The following STAG2 variants were observed in gnomAD, a reference collection of about 807,000 sequenced individuals.
The protein encoded by STAG2 is STAG2 cohesin complex component, also known as cohesin subunit SA-2.
STAG2 carries 14 observed loss-of-function variants against 108.1 expected under a neutral mutation model. The ratio of observed to expected loss-of-function variants is 0.13; its 90% CI spans 0.09 to 0.20. The LOEUF (loss-of-function observed/expected upper bound fraction) is 0.20. STAG2 is among the 10% of genes least tolerant of loss of function. STAG2 has a pLI of 1.00. For synonymous variants in STAG2, 307 were observed against 302.7 expected (o/e 1.01, Z -0.15); for missense variants, 440 against 940.9 (o/e 0.47, Z 6.96).
At chrX:123,985,419 TG>T (rs1383099711) in intron 1 of STAG2, among the ~76,000 whole-genome samples, 1 of 110,609 alleles carries the variant, frequency 9.0e-6, no homozygotes, top group East Asian at 2.8e-4. Flanking sequence ...TTTGTAGAGA[TG>T]GCGTCTTACT....
intron 15 of STAG2, 119 bp downstream of exon 15, chrX:124,058,096 G>A (rs2058262298): frequency 3.4e-6 from 1 of 290,072 alleles, no homozygotes; most frequent in South Asian, 1.7e-4. Context: ...AGAATGGAGA[G>A]CCACCCACTC....
intron 23 of STAG2, among the ~76,000 whole-genome samples, 170 bp from the exon 24 acceptor site, chrX:124,068,394 C>T (rs772412456): frequency 3.6e-5 from 4 of 111,439 alleles, no homozygotes; most frequent in South Asian, 3.7e-4. Context: ...TAAGACAAAC[C>T]GTCTCTTTGT....
intron 9 of STAG2, among the ~76,000 whole-genome samples, chrX:124,047,762 A>C (rs745445965): frequency 8.9e-6 from 1 of 112,195 alleles, no homozygotes; most frequent in African/African-American, 3.2e-5. Flanking sequence ...AGTTGTCTTA[A>C]GCTTTAGTAT....
At chrX:124,092,418 G>A (rs1303030021) in intron 32 of STAG2, among the ~76,000 whole-genome samples, 4 of 111,239 alleles carry the variant, frequency 3.6e-5, no homozygotes, top group African/African-American at 1.3e-4. Context: ...AGTAGTCGCC[G>A]GTCCATATAT....
chrX:124,018,482 ATG>A (rs2056809280), intron 1 of STAG2, among the ~76,000 whole-genome samples: 1 of 110,324 alleles, frequency 9.1e-6, no homozygotes, highest in South Asian at 3.9e-4. Context: ...GGATGGATGG[ATG>A]GACAGACGGA....
intron 27 of STAG2, among the ~76,000 whole-genome samples, chrX:124,081,067 G>T (rs2058947274): frequency 1.0e-5 from 1 of 95,520 alleles, no homozygotes; most frequent in African/African-American, 3.6e-5. Flanking sequence ...AACAGAGCAT[G>T]GTTGCCTAAT....
intron 34 of STAG2, among the ~76,000 whole-genome samples, chrX:124,098,445 G>A (rs903859477): frequency 9.0e-6 from 1 of 111,000 alleles, no homozygotes; most frequent in African/African-American, 3.3e-5. Context: ...CATAACTTAA[G>A]AAATGGAATA....
chrX:123,964,319 A>G (rs777380942), intron 1 of STAG2, among the ~76,000 whole-genome samples: 1 of 111,532 alleles, frequency 9.0e-6, no homozygotes, highest in African/African-American at 3.2e-5. Flanking sequence ...AAATTGGTTG[A>G]ACTTTAAATG....
At chrX:124,059,842 T>C (rs1321627743) in intron 15 of STAG2, among the ~76,000 whole-genome samples, 3 of 109,695 alleles carry the variant, frequency 2.7e-5, no homozygotes, top group Non-Finnish European at 3.8e-5. Context: ...TTTTAGAATT[T>C]TGTAGACAGT....
intron 1 of STAG2, among the ~76,000 whole-genome samples, chrX:123,994,354 C>G (rs986602387): frequency 1.3e-4 from 15 of 111,559 alleles, no homozygotes; most frequent in African/African-American, 4.9e-4. Context: ...CCAAACACCT[C>G]TCAGTAGGCT....
chrX:124,062,237 T>C (rs1039633386), intron 17 of STAG2, among the ~76,000 whole-genome samples: 1 of 112,047 alleles, frequency 8.9e-6, no homozygotes, highest in Admixed American at 9.5e-5. Flanking sequence ...TAGGGAAATT[T>C]CTATTTCCTG....
chrX:124,051,097 A>ATT, intron 11 of STAG2, 24 bp from the exon 12 acceptor site: 4 of 734,755 alleles, frequency 5.4e-6, no homozygotes, highest in Non-Finnish European at 5.9e-6. Flanking sequence ...GCATTGTCTC[A>ATT]TCTTTTTTTT....
chrX:124,031,396 G>A (rs184012231), intron 5 of STAG2, among the ~76,000 whole-genome samples: 6 of 106,872 alleles, frequency 5.6e-5, no homozygotes, highest in Non-Finnish European at 1.2e-4. Context: ...GTCTCGCTCT[G>A]TTGCCCAGGC....
chrX:124,066,792 A>T (rs1311865863), intron 23 of STAG2, among the ~76,000 whole-genome samples: 1 of 97,229 alleles, frequency 1.0e-5, no homozygotes, highest in African/African-American at 3.6e-5. Context: ...TTGTTTTGGG[A>T]TAACCTTATT....
intron 1 of STAG2, among the ~76,000 whole-genome samples, chrX:123,988,467 C>T (rs1358949905): frequency 9.1e-6 from 1 of 109,946 alleles, no homozygotes; most frequent in African/African-American, 3.3e-5. Context: ...TTTTTAAGCC[C>T]GAGATATATG....
chrX:124,086,840 C>G, intron 30 of STAG2, 70 bp downstream of exon 30: 2 of 859,913 alleles, frequency 2.3e-6, no homozygotes, highest in Non-Finnish European at 3.2e-6. Context: ...TTAAGGTTCA[C>G]CTTATTTTTT....
intron 27 of STAG2, among the ~76,000 whole-genome samples, chrX:124,080,289 C>T (rs1175782934): frequency 9.0e-6 from 1 of 111,207 alleles, no homozygotes; most frequent in East Asian, 2.8e-4. Flanking sequence ...ACCCCCAGTC[C>T]CTGGCAACCA....
chrX:124,051,532 TTCA>T (rs925391140), intron 13 of STAG2, 138 bp downstream of exon 13: 4 of 396,872 alleles, frequency 1.0e-5, no homozygotes, highest in Non-Finnish European at 1.7e-5. Context: ...GTTGAATTTC[TTCA>T]TGTATAGTTG....
intron 6 of STAG2, among the ~76,000 whole-genome samples, chrX:124,039,244 C>T (rs1031429598): frequency 9.2e-6 from 1 of 108,396 alleles, no homozygotes; most frequent in African/African-American, 3.4e-5. Context: ...CGGCCTTGAC[C>T]TCCTGGGCTC....
Sources: allele counts gnomAD v4.1 joint callset (sites outside exome capture counted in the v4.1 genomes callset), GRCh38; gene constraint gnomAD v4.1.1; transcripts MANE v1.5; gene names NCBI Gene and HGNC (gene_info 2026-07-23, HGNC 2026-07-21).